The following SERINC5 variants were observed in gnomAD, a reference collection of about 807,000 sequenced individuals.
The protein encoded by SERINC5 is serine incorporator 5, also known as chromosome 5 open reading frame 12.
SERINC5 carries 41 observed loss-of-function variants against 63.1 expected under a neutral mutation model. The ratio of observed to expected loss-of-function variants is 0.65; its 90% CI spans 0.51 to 0.84. The LOEUF (loss-of-function observed/expected upper bound fraction) is 0.84, where lower values mean the gene tolerates loss of function less well. Ranked by LOEUF, SERINC5 falls within the 40% of genes least tolerant of loss-of-function variation. The probability of loss-of-function intolerance (pLI) is 0.00; values close to 1 mark genes in which losing one functional copy is unlikely to be tolerated. For missense variants in SERINC5, 523 were observed against 573.0 expected (o/e 0.91, Z 0.89); for synonymous variants, 222 against 215.2 (o/e 1.03, Z -0.28).
At chr5:80,169,991 T>A (rs1264119099) in intron 5 of SERINC5, among the ~76,000 whole-genome samples, 2 of 152,126 alleles carry the variant, frequency 1.3e-5, no homozygotes, top group Non-Finnish European at 2.9e-5. Flanking sequence ...TACCCATTTC[T>A]TTAAAGGGGA....
At chr5:80,154,160 G>A (rs1045447258) in intron 8 of SERINC5, among the ~76,000 whole-genome samples, 3 of 152,014 alleles carry the variant, frequency 2.0e-5, no homozygotes, top group African/African-American at 7.2e-5. Flanking sequence ...GGCATGGGGT[G>A]GAAGATTTCT....
intron 2 of SERINC5, among the ~76,000 whole-genome samples, chr5:80,186,126 GAAAA>G (rs10554934): frequency 0.11 from 6,691 of 61,382 alleles, 399 homozygotes; most frequent in East Asian, 0.47. Flanking sequence ...TTCTTGTTTT[GAAAA>G]AAAAAAAAAA....
downstream of SERINC5, among the ~76,000 whole-genome samples, chr5:80,136,704 T>C (rs1013053230): frequency 5.3e-5 from 8 of 152,208 alleles, no homozygotes; most frequent in Non-Finnish European, 1.0e-4. Context: ...CAACATCTGA[T>C]AAGGGGTTAA....
At chr5:80,247,138 C>A (rs1752203001) in intron 1 of SERINC5, among the ~76,000 whole-genome samples, 1 of 152,304 alleles carries the variant, frequency 6.6e-6, no homozygotes, top group East Asian at 1.9e-4. Flanking sequence ...GTAGACATAT[C>A]AGCTTATATG....
chr5:80,161,018 GTATATATATACACACGTGTA>G (rs1260163650), intron 7 of SERINC5, among the ~76,000 whole-genome samples: 2 of 143,270 alleles, frequency 1.4e-5, no homozygotes, highest in Non-Finnish European at 3.0e-5. Flanking sequence ...ATATATACGT[GTATATATATACACACGTGTA>G]TATATATATA....
intron 1 of SERINC5, among the ~76,000 whole-genome samples, chr5:80,254,168 C>T (rs1395600923): frequency 6.6e-6 from 1 of 152,192 alleles, no homozygotes; most frequent in East Asian, 1.9e-4. Context: ...AGGTGATCCG[C>T]CCGCCTCTGC....
At chr5:80,163,883 G>A (rs894393581) in intron 7 of SERINC5, among the ~76,000 whole-genome samples, 13 of 152,228 alleles carry the variant, frequency 8.5e-5, no homozygotes, top group Non-Finnish European at 1.6e-4. Context: ...ATCTGGCCTT[G>A]TATAATGAGT....
Position 80,138,797 on chromosome 5 carries a change from G to A in SERINC5, c.*4866C>T. On this transcript the variant is annotated 3_prime_UTR_variant, in exon 12 of 12. Coordinates refer to ENST00000507668, the MANE Select transcript of SERINC5 (RefSeq NM_001174072.3). ...AGCATAGACTCCATGAAACTTGAGAGACCTGATTAACATCTGAAGGCAACA... is the reference window on the plus strand; with the variant it reads ...AGCATAGACTCCATGAAACTTGAGAAACCTGATTAACATCTGAAGGCAACA... The A allele has an allele frequency of 1.0e-6, 1 of 983,738 alleles. No individual in the cohort carries two copies. Among genetic ancestry groups the A allele is most frequent in the Non-Finnish European group, 1.2e-6 (1 of 828,484 alleles). The allele number at this position is 983,738 out of a possible 1,614,324, so 60.9% of individuals were successfully genotyped here. A position where few individuals can be genotyped will look rare whatever the true frequency, so the allele number is the denominator to read the frequency against.
chr5:80,217,301 GC>G (rs1288220956), intron 1 of SERINC5, among the ~76,000 whole-genome samples: 1 of 152,164 alleles, frequency 6.6e-6, no homozygotes, highest in Non-Finnish European at 1.5e-5. Flanking sequence ...CCCAAAATTT[GC>G]CTCATTGTGT....
chr5:80,143,469 CT>C lies in SERINC5; in HGVS notation c.*193del. On this transcript the variant is annotated 3_prime_UTR_variant, in exon 12 of 12. Transcript: ENST00000507668. ...TCAGTTTGGTTGAAAATTTCAATTCCTTTGGGACAAACTGGTAGTTTCTTTT... is the reference window on the plus strand; with the variant it reads ...TCAGTTTGGTTGAAAATTTCAATTCCTTGGGACAAACTGGTAGTTTCTTTT... 7.4e-7 allele frequency: 1 copy of C among 1,344,368 alleles called. No individual in the cohort carries two copies. Among genetic ancestry groups the C allele is most frequent in the Non-Finnish European group, 9.5e-7 (1 of 1,050,764 alleles). 83.3% of individuals were successfully genotyped at this position (1,344,368 alleles called of 1,614,324 possible).
intron 11 of SERINC5, among the ~76,000 whole-genome samples, chr5:80,118,176 C>T (rs532024476): frequency 6.6e-6 from 1 of 152,112 alleles, no homozygotes; most frequent in South Asian, 2.1e-4. Flanking sequence ...GCACTCCAGC[C>T]TGGGTGACAG....
chr5:80,118,940 T>C (rs143887353), intron 11 of SERINC5, among the ~76,000 whole-genome samples: 2,054 of 152,096 alleles, frequency 0.014, 30 homozygotes, highest in African/African-American at 0.046. Context: ...TTTCAGCATA[T>C]AAATTTTGGG....
At chr5:80,245,794 T>C (rs1752141692) in intron 1 of SERINC5, among the ~76,000 whole-genome samples, 1 of 151,680 alleles carries the variant, frequency 6.6e-6, no homozygotes. Context: ...TTTGTATTTT[T>C]AGTAGAGACG....
At chr5:80,190,314 T>C (rs1441156029) in intron 2 of SERINC5, among the ~76,000 whole-genome samples, 1 of 152,158 alleles carries the variant, frequency 6.6e-6, no homozygotes, top group Admixed American at 6.5e-5. Flanking sequence ...GGTTTCGTCA[T>C]GTTGCCCAGG....
rs1241047140 is a variant in SERINC5 at position 80,232,248 on chromosome 5, C to CA, written c.27+23647dup. On this transcript the variant is annotated intron_variant, in intron 1 of 11. Transcript: ENST00000507668. ...TAAAACCCTGTCTCTACTAAAAATACAAAAAAAAAGCCGGGCGTGGTGGCA... is the reference window on the plus strand; with the variant it reads ...TAAAACCCTGTCTCTACTAAAAATACAAAAAAAAAAGCCGGGCGTGGTGGCA... 9.1e-3 allele frequency among the ~76,000 whole-genome samples: 1,308 copies of CA among 144,430 alleles called. 17 individuals carry two copies. The highest frequency in any genetic ancestry group is 0.031 in the African/African-American group (1,209 of 39,036). The allele number at this position is 144,430 out of a possible 152,430, so 94.8% of individuals were successfully genotyped here.
intron 1 of SERINC5, among the ~76,000 whole-genome samples, chr5:80,222,045 G>T (rs1750926880): frequency 6.6e-6 from 1 of 152,080 alleles, no homozygotes; most frequent in African/African-American, 2.4e-5. Flanking sequence ...TACTTGAGAG[G>T]CCGAGGCAAG....
intron 5 of SERINC5, among the ~76,000 whole-genome samples, chr5:80,172,405 TG>T (rs1170460736): frequency 6.6e-6 from 1 of 152,208 alleles, no homozygotes; most frequent in African/African-American, 2.4e-5. Flanking sequence ...ATGAATTGAA[TG>T]AATCATTGTC....
At chr5:80,207,684 T>C (rs1006601217) in intron 1 of SERINC5, among the ~76,000 whole-genome samples, 1 of 152,240 alleles carries the variant, frequency 6.6e-6, no homozygotes, top group African/African-American at 2.4e-5. Flanking sequence ...TATGTACATA[T>C]ATATGTGTCT....
intron 1 of SERINC5, among the ~76,000 whole-genome samples, chr5:80,226,847 T>C (rs1019477767): frequency 6.6e-6 from 1 of 152,224 alleles, no homozygotes; most frequent in African/African-American, 2.4e-5. Context: ...AATACTCATA[T>C]TGCCATTTTT....
Sources: allele counts gnomAD v4.1 joint callset (sites outside exome capture counted in the v4.1 genomes callset), GRCh38; gene constraint gnomAD v4.1.1; transcripts MANE v1.5; gene names NCBI Gene and HGNC (gene_info 2026-07-23, HGNC 2026-07-21).